Variants in ZNF385B observed in about 807,000 individuals in gnomAD.
ZNF385B encodes the protein zinc finger protein 533.
A neutral mutation model predicts 39.2 loss-of-function variants in ZNF385B; 23 were observed. That is an observed-to-expected ratio of 0.59 (90% CI 0.42 to 0.83). ZNF385B has a LOEUF of 0.83. ZNF385B is among the 40% of genes least tolerant of loss of function. ZNF385B has a pLI of 0.00. For missense variants in ZNF385B, 552 were observed against 598.9 expected (o/e 0.92, Z 0.82); for synonymous variants, 205 against 222.6 (o/e 0.92, Z 0.70).
intron 3 of ZNF385B, among the ~76,000 whole-genome samples, chr2:179,713,744 A>G (rs1022447328): frequency 6.6e-6 from 1 of 152,230 alleles, no homozygotes; most frequent in African/African-American, 2.4e-5. Context: ...AATGCATGTT[A>G]TAAAAGCCTC....
At chr2:179,819,028 T>C (rs1404180234) in intron 1 of ZNF385B, among the ~76,000 whole-genome samples, 2 of 82,956 alleles carry the variant, frequency 2.4e-5, no homozygotes, top group Non-Finnish European at 4.8e-5. Context: ...TGTGCATGTT[T>C]ATAAATACAC....
chr2:179,770,421 A>G (rs1703948629), intron 2 of ZNF385B, 100 bp downstream of exon 2: 1 of 152,914 alleles, frequency 6.5e-6, no homozygotes, highest in African/African-American at 2.4e-5. Context: ...AGACACAAAT[A>G]TATATACAAT....
At chr2:179,809,556 G>A (rs1289736331) in intron 1 of ZNF385B, among the ~76,000 whole-genome samples, 1 of 152,016 alleles carries the variant, frequency 6.6e-6, no homozygotes, top group Non-Finnish European at 1.5e-5. Flanking sequence ...TACATACAGT[G>A]CTAAAAAATT....
At chr2:179,719,853 T>A (rs1700569794) in intron 3 of ZNF385B, among the ~76,000 whole-genome samples, 1 of 152,236 alleles carries the variant, frequency 6.6e-6, no homozygotes, top group African/African-American at 2.4e-5. Context: ...GGACCATATC[T>A]TCTAATTACC....
At chr2:179,638,219 C>T (rs1443864844) in intron 3 of ZNF385B, among the ~76,000 whole-genome samples, 1 of 151,974 alleles carries the variant, frequency 6.6e-6, no homozygotes, top group Admixed American at 6.6e-5. Flanking sequence ...ATTAAGTGTT[C>T]TTATCACAAC....
intron 3 of ZNF385B, among the ~76,000 whole-genome samples, chr2:179,600,395 T>G (rs1688323347): frequency 6.6e-6 from 1 of 152,178 alleles, no homozygotes; most frequent in South Asian, 2.1e-4. Context: ...AAACTACAAA[T>G]GTAAGTTGGA....
At chr2:179,853,850 C>G (rs1402503901) in intron 1 of ZNF385B, among the ~76,000 whole-genome samples, 2 of 152,130 alleles carry the variant, frequency 1.3e-5, no homozygotes, top group Admixed American at 1.3e-4. Context: ...GTAACTTAGT[C>G]AAAGTCACAC....
chr2:179,491,722 AG>A (rs1266654013), intron 5 of ZNF385B, among the ~76,000 whole-genome samples: 1 of 152,290 alleles, frequency 6.6e-6, no homozygotes, highest in East Asian at 1.9e-4. Flanking sequence ...TTTTAGAGAC[AG>A]GGTCTCACTC....
chr2:179,845,396 A>G (rs1227309937), intron 1 of ZNF385B, among the ~76,000 whole-genome samples: 1 of 152,166 alleles, frequency 6.6e-6, no homozygotes, highest in Non-Finnish European at 1.5e-5. Context: ...AAAAATCTCA[A>G]CAGTAGGTGG....
At chr2:179,443,512 T>C in intron 9 of ZNF385B, 44 bp from the exon 10 acceptor site, 1 of 1,442,144 alleles carries the variant, frequency 6.9e-7, no homozygotes, top group Non-Finnish European at 9.6e-7. Flanking sequence ...GATCCTGTTT[T>C]TGAATAACAG....
At chr2:179,570,765 C>G (rs528442902) in intron 3 of ZNF385B, among the ~76,000 whole-genome samples, 2 of 152,286 alleles carry the variant, frequency 1.3e-5, no homozygotes, top group Admixed American at 1.3e-4. Context: ...TGGACCACCC[C>G]CTCTCCAGGA....
At chr2:179,738,374 C>T (rs1481168514) in intron 3 of ZNF385B, among the ~76,000 whole-genome samples, 2 of 152,186 alleles carry the variant, frequency 1.3e-5, no homozygotes, top group African/African-American at 2.4e-5. Context: ...CTCTGCATTT[C>T]ACCCAAACTC....
intron 1 of ZNF385B, among the ~76,000 whole-genome samples, chr2:179,786,883 T>C (rs921283870): frequency 6.6e-6 from 1 of 152,114 alleles, no homozygotes; most frequent in African/African-American, 2.4e-5. Context: ...TTTACACTTC[T>C]ATCAGCAGTG....
At chr2:179,658,207 A>T (rs1694017355) in intron 3 of ZNF385B, among the ~76,000 whole-genome samples, 1 of 152,326 alleles carries the variant, frequency 6.6e-6, no homozygotes, top group African/African-American at 2.4e-5. Context: ...TAAATGATAA[A>T]CAAAATGGTG....
intron 5 of ZNF385B, among the ~76,000 whole-genome samples, chr2:179,493,548 T>C (rs1384754284): frequency 2.7e-5 from 4 of 150,758 alleles, no homozygotes; most frequent in Admixed American, 6.6e-5. Context: ...TATACATACG[T>C]GTACATGCAC....
At chr2:179,733,735 G>T (rs1412343946) in intron 3 of ZNF385B, among the ~76,000 whole-genome samples, 1 of 140,676 alleles carries the variant, frequency 7.1e-6, no homozygotes, top group Non-Finnish European at 1.5e-5. Flanking sequence ...GTAAGCCGAG[G>T]TTGTGCCACT....
chr2:179,683,808 C>T (rs6736736), intron 3 of ZNF385B, among the ~76,000 whole-genome samples: 150,425 of 152,296 alleles, frequency 0.99, 74,319 homozygotes, highest in Middle Eastern at 1. Flanking sequence ...AACTGCATTA[C>T]TGTTACCATT....
intron 3 of ZNF385B, among the ~76,000 whole-genome samples, chr2:179,660,940 T>C (rs1416935947): frequency 6.6e-6 from 1 of 152,224 alleles, no homozygotes; most frequent in Non-Finnish European, 1.5e-5. Flanking sequence ...TATCCTCCAA[T>C]AGATACTATC....
intron 3 of ZNF385B, among the ~76,000 whole-genome samples, chr2:179,604,854 A>G (rs1158231453): frequency 6.6e-6 from 1 of 152,108 alleles, no homozygotes; most frequent in Non-Finnish European, 1.5e-5. Context: ...GTGCCTACAA[A>G]TACCTTTTAA....
Sources: allele counts gnomAD v4.1 joint callset (sites outside exome capture counted in the v4.1 genomes callset), GRCh38; gene constraint gnomAD v4.1.1; transcripts MANE v1.5; gene names NCBI Gene and HGNC (gene_info 2026-07-23, HGNC 2026-07-21).